Variants in FILIP1 observed in about 807,000 individuals in gnomAD.
The protein encoded by FILIP1 is filamin A interacting protein 1.
A neutral mutation model predicts 102.1 loss-of-function variants in FILIP1; 61 were observed. The observed-to-expected ratio is 0.60, with a 90% CI of 0.49 to 0.74. The LOEUF (loss-of-function observed/expected upper bound fraction) is 0.74, where lower values mean the gene tolerates loss of function less well. Among genes scored for constraint, FILIP1 ranks in the 30% least tolerant of loss-of-function variants. The pLI, the probability that FILIP1 is intolerant of heterozygous loss-of-function variation, is 0.00. For synonymous variants in FILIP1, 491 were observed against 526.9 expected, an observed-to-expected ratio of 0.93 and a Z score of 0.93; for missense variants, 1,314 against 1,441.2, an observed-to-expected ratio of 0.91 and a Z score of 1.43.
At chr6:75,303,373 G>A (rs1471801704), downstream of FILIP1, among the ~76,000 whole-genome samples, 2 of 152,176 alleles carry the variant, frequency 1.3e-5, no homozygotes, top group Non-Finnish European at 2.9e-5. Flanking sequence ...TCTTAATAGA[G>A]ATGTGGGAAA....
intron 1 of FILIP1, among the ~76,000 whole-genome samples, chr6:75,437,311 T>A (rs1287217267): frequency 2.6e-5 from 4 of 152,204 alleles, no homozygotes; most frequent in Non-Finnish European, 5.9e-5. Flanking sequence ...ATATGTGAGT[T>A]TGTATGGACA....
At chr6:75,296,341 T>TTGTGTG (rs57430339) in intron 6 of FILIP1, among the ~76,000 whole-genome samples, 2,280 of 141,508 alleles carry the variant, frequency 0.016, 28 homozygotes, top group Non-Finnish European at 0.025. Flanking sequence ...TTCAATTTCT[T>TTGTGTG]TGTGTGTGTG....
chr6:75,386,328 C>T (rs1776094668), intron 2 of FILIP1: 1 of 152,196 alleles, frequency 6.6e-6, no homozygotes, highest in South Asian at 2.1e-4. Flanking sequence ...GAACTCACTT[C>T]ATGTTCAACA....
intron 6 of FILIP1, among the ~76,000 whole-genome samples, chr6:75,300,037 A>G (rs547893711): frequency 1.3e-5 from 2 of 152,038 alleles, no homozygotes; most frequent in Non-Finnish European, 2.9e-5. Flanking sequence ...AGAAAGATGT[A>G]CTCCCTAAAA....
intron 3 of FILIP1, chr6:75,360,834 G>A (rs999301434): frequency 6.6e-6 from 1 of 152,264 alleles, no homozygotes; most frequent in Middle Eastern, 3.4e-3. Context: ...TAGACTACCT[G>A]CTCGTGATCC....
In FILIP1 at chr6:75,308,875, T is replaced by G; in HGVS notation, c.3458A>C (p.Gln1153Pro). Reference sequence around the variant, plus strand: ...AGGAATGCGGGTGGGTGTAGGCCGCTGGGATGACCCGTCTTGTCCTGACTG... The same window carrying G: ...AGGAATGCGGGTGGGTGTAGGCCGCGGGGATGACCCGTCTTGTCCTGACTG... ...QSVSGQDGSS[Q>P]RPTPTRIPMS... is the part of the protein sequence containing the mutation. The change falls in exon 6 of 6, where the codon CAG becomes CCG. Residue 1153 changes from glutamine to proline, a missense_variant. Transcript: ENST00000237172. 6.2e-7 allele frequency: 1 copy of G among 1,614,130 alleles called. No homozygotes were observed.
rs1773356578 is a variant in FILIP1, at chr6:75,314,565, G to T, written c.1267C>A (p.Leu423Ile). The T allele has an allele frequency of 6.2e-7, 1 of 1,613,772 alleles. No homozygotes were observed. The highest frequency in any genetic ancestry group is 1.1e-5 in the South Asian group (1 of 91,024). The part of the protein sequence containing the change: ...EEEHHSKELR[L>I]EVEKLQKRMS... ...CTCTTCTGTAGCTTCTCAACTTCAA[G>T]TCTGAGCTCCTTACTATGGTGTTCT... is the stretch of plus-strand genomic sequence containing the variant. The change falls in exon 5 of 6, where the codon CTT becomes ATT. Residue 423 changes from leucine (L) to isoleucine (I), a missense_variant. Physicochemically the swap from Leu to Ile is conservative, Grantham distance 5. Coordinates refer to ENST00000237172, the MANE Select transcript of FILIP1 (RefSeq NM_015687.5).
At chr6:75,356,005 C>A (rs1225296061) in intron 3 of FILIP1, among the ~76,000 whole-genome samples, 1 of 152,168 alleles carries the variant, frequency 6.6e-6, no homozygotes, top group South Asian at 2.1e-4. Context: ...GTAAGCCCCA[C>A]CTCCTGTGTG....
chr6:75,320,726 G>C (rs950794315), intron 4 of FILIP1, among the ~76,000 whole-genome samples: 1 of 152,198 alleles, frequency 6.6e-6, no homozygotes, highest in African/African-American at 2.4e-5. Flanking sequence ...TATATTAATA[G>C]TGGTTATTAG....
chr6:75,411,535 G>A (rs1777070502), intron 2 of FILIP1, among the ~76,000 whole-genome samples: 1 of 152,270 alleles, frequency 6.6e-6, no homozygotes, highest in African/African-American at 2.4e-5. Flanking sequence ...TTCTTCTAGG[G>A]CTTTTATGGT....
chr6:75,322,972 G>A (rs62414163), intron 4 of FILIP1, among the ~76,000 whole-genome samples: 2 of 152,210 alleles, frequency 1.3e-5, no homozygotes, highest in Non-Finnish European at 2.9e-5. Context: ...GGGATTACAA[G>A]CATGAGCCAC....
In FILIP1 at chr6:75,327,701, C is replaced by T. The variant is rs184681699; in HGVS notation, c.630-12499G>A. 1.2e-3 allele frequency among the ~76,000 whole-genome samples: 181 copies of T among 151,588 alleles called. 2 individuals carry two copies. Among genetic ancestry groups the T allele is most frequent in the African/African-American group, 4.0e-3 (165 of 41,434 alleles). On this transcript the variant is annotated intron_variant, in intron 4 of 5. Coordinates refer to ENST00000237172, the MANE Select transcript of FILIP1 (RefSeq NM_015687.5). ...ATAAACATTAAGAGATATATATTAA[C>T]GTTTCTTCTTAATTTAAAACTTTGT...
chr6:75,358,973 G>T (rs1226739001), intron 3 of FILIP1, among the ~76,000 whole-genome samples: 2 of 149,970 alleles, frequency 1.3e-5, no homozygotes, highest in African/African-American at 4.9e-5. Flanking sequence ...CTGACAAAGT[G>T]CTGGGATTAC....
chr6:75,343,115 G>T (rs1179084024), intron 4 of FILIP1, among the ~76,000 whole-genome samples: 1 of 152,120 alleles, frequency 6.6e-6, no homozygotes, highest in Non-Finnish European at 1.5e-5. Flanking sequence ...CCTTATAAGA[G>T]TTGGAAGAGA....
At chr6:75,454,279 T>A in intron 1 of FILIP1, among the ~76,000 whole-genome samples, 1 of 152,150 alleles carries the variant, frequency 6.6e-6, no homozygotes, top group East Asian at 1.9e-4. Flanking sequence ...ATCCTCACAC[T>A]AGAACCCTAC....
intron 2 of FILIP1, chr6:75,367,586 CA>C (rs1775378589): frequency 6.6e-6 from 1 of 152,138 alleles, no homozygotes; most frequent in Admixed American, 6.5e-5. Flanking sequence ...CAATGAGTCA[CA>C]GTGAGCCGAG....
intron 1 of FILIP1, among the ~76,000 whole-genome samples, chr6:75,425,566 C>A (rs1353889123): frequency 6.6e-6 from 1 of 152,134 alleles, no homozygotes; most frequent in East Asian, 1.9e-4. Flanking sequence ...ACATCAACAT[C>A]CTTAGCATTT....
chr6:75,300,847 A>T (rs2207600), intron 6 of FILIP1, among the ~76,000 whole-genome samples: 43,348 of 152,028 alleles, frequency 0.29, 6,593 homozygotes, highest in East Asian at 0.44. Flanking sequence ...CATCAGCCCA[A>T]ATTATCTCCT....
intron 1 of FILIP1, among the ~76,000 whole-genome samples, chr6:75,455,514 CA>C (rs1778800183): frequency 6.6e-6 from 1 of 151,968 alleles, no homozygotes; most frequent in Admixed American, 6.6e-5. Context: ...TTGGGACAAC[CA>C]AATTAGAAAA....
Sources: gnomAD v4.1 joint callset for allele counts (sites outside exome capture counted in the v4.1 genomes callset) on GRCh38, gnomAD v4.1.1 for gene constraint, MANE v1.5 for transcripts, NCBI Gene and HGNC (gene_info 2026-07-23, HGNC 2026-07-21) for gene names.